LCLAT1: variants seen among roughly 807,000 people sequenced by gnomAD.
LCLAT1 encodes the protein 1-AGP acyltransferase 8.
In LCLAT1, 11 loss-of-function variants were observed where a neutral mutation model predicts 30.7. That is an observed-to-expected ratio of 0.36 (90% CI 0.23 to 0.59). The LOEUF is 0.59. LCLAT1 is among the 20% of genes least tolerant of loss of function. The pLI, the probability that LCLAT1 is intolerant of heterozygous loss-of-function variation, is 0.77. For synonymous variants in LCLAT1, 155 were observed against 151.3 expected, an observed-to-expected ratio of 1.02 and a Z score of -0.18; for missense variants, 402 against 458.6, an observed-to-expected ratio of 0.88 and a Z score of 1.13.
chr2:30,602,535 G>T (rs1005923847), intron 5 of LCLAT1, among the ~76,000 whole-genome samples: 1 of 152,184 alleles, frequency 6.6e-6, no homozygotes, highest in East Asian at 1.9e-4. Context: ...TTAGACTTCT[G>T]CCTAGACACA....
chr2:30,546,783 A>G (rs932429608), intron 3 of LCLAT1, among the ~76,000 whole-genome samples: 1 of 152,082 alleles, frequency 6.6e-6, no homozygotes, highest in Non-Finnish European at 1.5e-5. Flanking sequence ...GCTTCCTCCT[A>G]CTTAAAACAG....
intron 5 of LCLAT1, among the ~76,000 whole-genome samples, chr2:30,576,119 T>C (rs185527277): frequency 8.4e-4 from 128 of 152,288 alleles, no homozygotes; most frequent in East Asian, 2.9e-3. Context: ...TAAATATTGG[T>C]GCCCTGTATA....
intron 5 of LCLAT1, among the ~76,000 whole-genome samples, chr2:30,599,910 C>T (rs377126500): frequency 1.1e-4 from 17 of 152,134 alleles, no homozygotes; most frequent in Non-Finnish European, 2.1e-4. Context: ...GGGCATTTAA[C>T]CCATTTACAT....
intron 5 of LCLAT1, among the ~76,000 whole-genome samples, chr2:30,617,918 CATT>C (rs1450570948): frequency 2.6e-5 from 4 of 152,142 alleles, no homozygotes; most frequent in Middle Eastern, 3.4e-3. Flanking sequence ...GGTTTGCAAA[CATT>C]ATCTTCCAAT....
chr2:30,463,665 TTAGAGA>T (rs767577043), intron 1 of LCLAT1, among the ~76,000 whole-genome samples: 36 of 152,308 alleles, frequency 2.4e-4, no homozygotes, highest in Middle Eastern at 3.4e-3. Context: ...TATGAGTAAT[TTAGAGA>T]TAAAGTATTT....
chr2:30,592,190 T>A (rs1666728552), intron 5 of LCLAT1, among the ~76,000 whole-genome samples: 1 of 152,132 alleles, frequency 6.6e-6, no homozygotes, highest in Non-Finnish European at 1.5e-5. Flanking sequence ...ATCAAAGAAA[T>A]GAACCAAAAC....
chr2:30,528,707 T>C (rs1048119204), intron 2 of LCLAT1, among the ~76,000 whole-genome samples: 37 of 152,340 alleles, frequency 2.4e-4, no homozygotes, highest in Admixed American at 2.0e-3. Flanking sequence ...TTTTGTCTTA[T>C]TAGCTGTTTG....
chr2:30,599,818 T>A (rs1418913494), intron 5 of LCLAT1, among the ~76,000 whole-genome samples: 1 of 152,234 alleles, frequency 6.6e-6, no homozygotes, highest in African/African-American at 2.4e-5. Flanking sequence ...CTCCATCCCT[T>A]TATTTTGAGC....
intron 5 of LCLAT1, among the ~76,000 whole-genome samples, chr2:30,587,811 A>T (rs1045285376): frequency 6.6e-6 from 1 of 152,026 alleles, no homozygotes; most frequent in African/African-American, 2.4e-5. Context: ...GTTGAACTCT[A>T]TTGGAAGTAG....
chr2:30,519,499 G>A (rs997734748), intron 1 of LCLAT1, among the ~76,000 whole-genome samples: 7 of 152,148 alleles, frequency 4.6e-5, no homozygotes, highest in Non-Finnish European at 8.8e-5. Flanking sequence ...TGAGAGGGGG[G>A]ACTGAGAGAC....
At chr2:30,460,850 G>A (rs1007771569) in intron 1 of LCLAT1, among the ~76,000 whole-genome samples, 1 of 152,126 alleles carries the variant, frequency 6.6e-6, no homozygotes, top group African/African-American at 2.4e-5. Context: ...CTGATGCCTA[G>A]GTCATGAAGC....
intron 1 of LCLAT1, among the ~76,000 whole-genome samples, chr2:30,471,596 T>C (rs1262594383): frequency 6.6e-6 from 1 of 152,254 alleles, no homozygotes; most frequent in African/African-American, 2.4e-5. Context: ...GTTTTCAAAG[T>C]GTCTTTTACC....
intron 3 of LCLAT1, among the ~76,000 whole-genome samples, chr2:30,536,526 A>T (rs1224126638): frequency 1.3e-5 from 2 of 152,222 alleles, no homozygotes; most frequent in East Asian, 3.8e-4. Context: ...AGGATACTGT[A>T]ACTGGCAATG....
intron 3 of LCLAT1, among the ~76,000 whole-genome samples, chr2:30,545,847 C>T (rs1664382041): frequency 6.6e-6 from 1 of 152,116 alleles, no homozygotes; most frequent in Non-Finnish European, 1.5e-5. Flanking sequence ...CTTGGTTTCT[C>T]TGGATCATTA....
chr2:30,596,155 C>G (rs928184457), intron 5 of LCLAT1, among the ~76,000 whole-genome samples: 1 of 151,938 alleles, frequency 6.6e-6, no homozygotes, highest in Admixed American at 6.6e-5. Context: ...GGGTATATAC[C>G]GAGTAGTGGG....
At position 30,469,574 on chromosome 2, in the gene LCLAT1, CTTTTTTTTTTTT is replaced by C. The variant is rs199634493; in HGVS notation, c.-5+22202_-5+22213del. On this transcript the variant is annotated intron_variant, in intron 1 of 5. Coordinates refer to ENST00000379509, the MANE Select transcript of LCLAT1 (RefSeq NM_001002257.3). Reference sequence around the variant, plus strand: ...CAATTAATTGGGCTACAGGTCTCTTCTTTTTTTTTTTTTTTTTTTTTTGAGACGGAGTCTAGC... The same window carrying C: ...CAATTAATTGGGCTACAGGTCTCTTCTTTTTTTTTTGAGACGGAGTCTAGC... Among the ~76,000 whole-genome samples, 12 of 103,838 alleles carry C rather than the reference CTTTTTTTTTTTT, an allele frequency of 1.2e-4. No homozygotes were observed. The South Asian group carries it at 2.6e-3, about 23-fold the overall frequency. 68.1% of individuals were successfully genotyped at this position (103,838 alleles called of 152,430 possible).
intron 5 of LCLAT1, among the ~76,000 whole-genome samples, chr2:30,577,964 C>G (rs1666065803): frequency 6.6e-6 from 1 of 152,076 alleles, no homozygotes. Context: ...TTTAAATAAT[C>G]TACATACACT....
At chr2:30,456,775 A>G (rs2148264805) in intron 1 of LCLAT1, among the ~76,000 whole-genome samples, 1 of 152,276 alleles carries the variant, frequency 6.6e-6, no homozygotes. Context: ...GGTTTGCCTT[A>G]TCTGTATCTT....
chr2:30,523,814 G>A (rs1685587445), intron 1 of LCLAT1, among the ~76,000 whole-genome samples: 1 of 152,186 alleles, frequency 6.6e-6, no homozygotes, highest in South Asian at 2.1e-4. Flanking sequence ...CTTGCAGTGA[G>A]CCCAGATCGC....
Sources: allele counts gnomAD v4.1 joint callset (sites outside exome capture counted in the v4.1 genomes callset), GRCh38; gene constraint gnomAD v4.1.1; transcripts MANE v1.5; gene names NCBI Gene and HGNC (gene_info 2026-07-23, HGNC 2026-07-21).